Variants in PTPRD observed in about 807,000 individuals in gnomAD.
The protein encoded by PTPRD is receptor-type tyrosine-protein phosphatase delta.
In PTPRD, 34 loss-of-function variants were observed where a neutral mutation model predicts 214.5. The observed-to-expected ratio is 0.16, with a 90% CI of 0.12 to 0.21. The LOEUF is 0.21. Ranked by LOEUF, PTPRD falls within the 10% of genes least tolerant of loss-of-function variation. The pLI is 1.00. For missense variants in PTPRD, 2,545 were observed against 2,398.7 expected, an observed-to-expected ratio of 1.06 and a Z score of -1.27; for synonymous variants, 1,128 against 845.7, an observed-to-expected ratio of 1.33 and a Z score of -5.79.
chr9:8,896,264 A>G (rs2098609822), intron 11 of PTPRD, among the ~76,000 whole-genome samples: 1 of 152,214 alleles, frequency 6.6e-6, no homozygotes, highest in Admixed American at 6.5e-5. Context: ...TAATTGAACT[A>G]CTTTCTCAAT....
At chr9:8,453,828 C>T (rs1002589234) in intron 33 of PTPRD, among the ~76,000 whole-genome samples, 6 of 152,142 alleles carry the variant, frequency 3.9e-5, no homozygotes, top group East Asian at 3.9e-4. Context: ...GTGGTGCTGA[C>T]GCTATGGCTG....
chr9:10,193,048 G>T (rs2099378222), intron 3 of PTPRD, among the ~76,000 whole-genome samples: 4 of 151,994 alleles, frequency 2.6e-5, no homozygotes, highest in Admixed American at 2.6e-4. Flanking sequence ...GGCCAATTTT[G>T]TTTCTTCTTC....
rs200669619 is a variant in PTPRD, at chr9:8,375,991, G to C, written c.4606C>G (p.Arg1536Gly). The C allele has an allele frequency of 1.2e-6, 2 of 1,612,916 alleles. No individual in the cohort carries two copies. Among genetic ancestry groups the C allele is most frequent in the South Asian group, 2.2e-5 (2 of 91,046 alleles). Residue 1536 changes from arginine to glycine, a missense_variant, in exon 39 of 46, where the codon CGT becomes GGT. Arg to Gly is a moderately radical substitution (Grantham distance 125). Transcript: ENST00000381196. ...GGAGGGTTACAGGTTTTGACTCTAC[G>C]TAAGAAAGCTAGAAAAGGTGTAGGG... Reference protein sequence around the residue: ...EHPTPFLAFLRRVKTCNPPDA... With the variant: ...EHPTPFLAFLGRVKTCNPPDA...
intron 11 of PTPRD, among the ~76,000 whole-genome samples, chr9:8,885,419 A>G (rs1280743521): frequency 1.3e-5 from 2 of 151,992 alleles, no homozygotes; most frequent in Non-Finnish European, 2.9e-5. Flanking sequence ...AGTAAAGGAC[A>G]GAATCTGAAC....
intron 11 of PTPRD, chr9:8,862,351 G>C (rs999559771): frequency 1.3e-5 from 2 of 152,178 alleles, no homozygotes; most frequent in African/African-American, 4.8e-5. Context: ...GCCAGACTCT[G>C]TCTCAAGAAT....
At chr9:9,931,343 C>A (rs982612152) in intron 5 of PTPRD, among the ~76,000 whole-genome samples, 19 of 152,174 alleles carry the variant, frequency 1.2e-4, no homozygotes, top group Admixed American at 9.8e-4. Flanking sequence ...GAGTGCCAGA[C>A]AGTGGGCGCA....
chr9:10,360,140 T>C (rs544343614), intron 2 of PTPRD, among the ~76,000 whole-genome samples: 113 of 152,356 alleles, frequency 7.4e-4, no homozygotes, highest in African/African-American at 2.6e-3. Flanking sequence ...CTGAATTTTA[T>C]GTGATACATA....
At chr9:9,415,769 G>C (rs1169785175) in intron 8 of PTPRD, among the ~76,000 whole-genome samples, 1 of 152,174 alleles carries the variant, frequency 6.6e-6, no homozygotes, top group South Asian at 2.1e-4. Context: ...AGAGATATGA[G>C]TATTTCAGTA....
At chr9:9,378,207 C>G (rs982228030) in intron 9 of PTPRD, among the ~76,000 whole-genome samples, 7 of 152,148 alleles carry the variant, frequency 4.6e-5, no homozygotes, top group Admixed American at 3.3e-4. Flanking sequence ...ACTGCAACCC[C>G]TGGCAACCAC....
At chr9:8,636,658 T>C (rs376560085) in intron 13 of PTPRD, 41 bp downstream of exon 13, 41 of 1,607,072 alleles carry the variant, frequency 2.6e-5, no homozygotes, top group African/African-American at 8.0e-5. Flanking sequence ...ACAGAGCAGA[T>C]ACATTCTTCC....
intron 44 of PTPRD, among the ~76,000 whole-genome samples, chr9:8,321,483 GTGTGTATATA>G (rs1455764554): frequency 0.011 from 536 of 48,660 alleles, 4 homozygotes; most frequent in Middle Eastern, 0.012. Flanking sequence ...GTGTGTGTGT[GTGTGTATATA>G]TATATATATA....
intron 11 of PTPRD, among the ~76,000 whole-genome samples, chr9:8,913,330 A>C (rs2098761006): frequency 6.6e-6 from 1 of 152,140 alleles, no homozygotes; most frequent in African/African-American, 2.4e-5. Context: ...TACTATTTTT[A>C]GAATCCGCCT....
chr9:9,195,009 A>G (rs2132007630), intron 9 of PTPRD, among the ~76,000 whole-genome samples: 1 of 148,374 alleles, frequency 6.7e-6, no homozygotes, highest in South Asian at 2.1e-4. Flanking sequence ...GTATACAGAT[A>G]CCTATGGTAT....
chr9:9,909,454 T>C (rs542625159), intron 5 of PTPRD, among the ~76,000 whole-genome samples: 114 of 124,596 alleles, frequency 9.1e-4, no homozygotes, highest in Admixed American at 4.2e-3. Flanking sequence ...TTATTAAAAA[T>C]GACAGTTGAA....
At chr9:10,476,426 A>T (rs1589040869) in intron 2 of PTPRD, among the ~76,000 whole-genome samples, 1 of 152,190 alleles carries the variant, frequency 6.6e-6, no homozygotes, top group Non-Finnish European at 1.5e-5. Context: ...AATACAACTT[A>T]CAAGGGACAT....
Position 8,319,408 on chromosome 9 carries a change from T to C in PTPRD, c.5670+423A>G, listed in dbSNP as rs565700060. Among the ~76,000 whole-genome samples, 15 of 151,984 alleles carry C rather than the reference T, an allele frequency of 9.9e-5. No individual in the cohort carries two copies. The East Asian group carries it at 2.9e-3, about 29-fold the overall frequency. Reference sequence around the variant, plus strand: ...GTTTTGAATGGCCATTGTTAAGACATGAAATATAGAAGAGCTGATACCTCT... The same window carrying C: ...GTTTTGAATGGCCATTGTTAAGACACGAAATATAGAAGAGCTGATACCTCT... On this transcript the variant is annotated intron_variant, in intron 45 of 45. Transcript: ENST00000381196.
intron 7 of PTPRD, among the ~76,000 whole-genome samples, chr9:9,722,605 C>T (rs576368083): frequency 9.9e-5 from 15 of 152,082 alleles, no homozygotes; most frequent in Non-Finnish European, 2.1e-4. Context: ...TTCCAAGTCA[C>T]GTAGTAATGC....
intron 11 of PTPRD, among the ~76,000 whole-genome samples, chr9:8,778,974 C>A (rs1199973912): frequency 1.3e-5 from 2 of 151,930 alleles, no homozygotes; most frequent in Non-Finnish European, 2.9e-5. Context: ...CACAATGATT[C>A]TTTATGATAT....
intron 9 of PTPRD, among the ~76,000 whole-genome samples, chr9:9,297,248 A>C (rs1265804790): frequency 6.6e-6 from 1 of 151,716 alleles, no homozygotes; most frequent in Non-Finnish European, 1.5e-5. Context: ...ATTTATGATA[A>C]AATAATGATA....
Sources: allele counts gnomAD v4.1 joint callset (sites outside exome capture counted in the v4.1 genomes callset), GRCh38; gene constraint gnomAD v4.1.1; transcripts MANE v1.5; gene names NCBI Gene and HGNC (gene_info 2026-07-23, HGNC 2026-07-21).